PTPRT: variants seen among roughly 807,000 people sequenced by gnomAD.
PTPRT encodes the protein protein tyrosine phosphatase receptor type T.
A neutral mutation model predicts 176.8 loss-of-function variants in PTPRT; 56 were observed. The ratio of observed to expected loss-of-function variants is 0.32; its 90% confidence interval spans 0.26 to 0.40. The LOEUF (loss-of-function observed/expected upper bound fraction) is 0.40. Ranked by LOEUF, PTPRT falls within the 10% of genes least tolerant of loss-of-function variation. PTPRT has a pLI of 1.00. For synonymous variants in PTPRT, 783 were observed against 739.0 expected (o/e 1.06, Z -0.96); for missense variants, 1,540 against 1,908.2 (o/e 0.81, Z 3.60).
intron 7 of PTPRT, among the ~76,000 whole-genome samples, chr20:42,561,610 C>T: frequency 6.6e-6 from 1 of 152,144 alleles, no homozygotes. Flanking sequence ...TTGGTTCTTG[C>T]CAGGTCTGGT....
intron 13 of PTPRT, among the ~76,000 whole-genome samples, chr20:42,267,312 C>G (rs2056855890): frequency 6.6e-6 from 1 of 152,126 alleles, no homozygotes; most frequent in African/African-American, 2.4e-5. Context: ...CTATGATGTT[C>G]CGTAGGTTAA....
chr20:42,768,312 C>CCT (rs891560114), intron 5 of PTPRT, among the ~76,000 whole-genome samples: 3 of 151,800 alleles, frequency 2.0e-5, no homozygotes, highest in Non-Finnish European at 4.4e-5. Context: ...CCACTTCACC[C>CCT]CTCTCTCCCC....
chr20:42,132,867 A>G (rs1009003283), intron 18 of PTPRT, among the ~76,000 whole-genome samples: 6 of 152,254 alleles, frequency 3.9e-5, no homozygotes, highest in African/African-American at 1.4e-4. Context: ...AAACCTGCAC[A>G]TGGATGTTTA....
intron 7 of PTPRT, among the ~76,000 whole-genome samples, chr20:42,491,758 C>A (rs2071564750): frequency 6.6e-6 from 1 of 152,156 alleles, no homozygotes; most frequent in South Asian, 2.1e-4. Context: ...ATTTCTAAAT[C>A]ACCTATTCTA....
chr20:42,805,496 G>A (rs2077592600), intron 2 of PTPRT, among the ~76,000 whole-genome samples: 1 of 152,182 alleles, frequency 6.6e-6, no homozygotes, highest in East Asian at 1.9e-4. Context: ...CTCCACACCA[G>A]GCACTGTTGT....
intron 1 of PTPRT, among the ~76,000 whole-genome samples, chr20:42,999,529 G>A (rs1179541632): frequency 6.6e-6 from 1 of 152,086 alleles, no homozygotes; most frequent in African/African-American, 2.4e-5. Context: ...GCCAAGGCAC[G>A]TGGGCCACTG....
At chr20:42,580,983 G>A (rs567401993) in intron 7 of PTPRT, among the ~76,000 whole-genome samples, 7 of 152,082 alleles carry the variant, frequency 4.6e-5, no homozygotes, top group African/African-American at 1.7e-4. Context: ...GTCTTGTGCC[G>A]AGTCTTGCAA....
Position 42,886,153 on chromosome 20 carries a change from A to G in PTPRT, c.89-221T>C, listed in dbSNP as rs115778906. Among the ~76,000 whole-genome samples the G allele has an allele frequency of 8.0e-3, 1,216 of 152,276 alleles. 15 individuals carry two copies. Among genetic ancestry groups the G allele is most frequent in the African/African-American group, 0.028 (1,159 of 41,538 alleles). On this transcript the variant is annotated intron_variant, in intron 1 of 30. Transcript: ENST00000373187. ...GCATCTGCAGGCCTCCGTATTTAAA[A>G]AAGTTAATAAGGCTAGTTACATTGA...
intron 7 of PTPRT, among the ~76,000 whole-genome samples, chr20:42,641,907 T>C (rs879831628): frequency 9.9e-5 from 15 of 152,156 alleles, no homozygotes; most frequent in Non-Finnish European, 2.2e-4. Flanking sequence ...TCATACTGAC[T>C]TCTAAGCGTC....
At chr20:43,144,028 C>A (rs971445025) in intron 1 of PTPRT, among the ~76,000 whole-genome samples, 2 of 152,222 alleles carry the variant, frequency 1.3e-5, no homozygotes, top group African/African-American at 4.8e-5. Flanking sequence ...TCCACAGCTA[C>A]ATAGAGCAAG....
At chr20:42,277,735 C>T (rs2057065831) in intron 13 of PTPRT, among the ~76,000 whole-genome samples, 1 of 151,978 alleles carries the variant, frequency 6.6e-6, no homozygotes, top group African/African-American at 2.4e-5. Flanking sequence ...GGCTGGCTGG[C>T]CTTCTTGTTA....
At chr20:42,880,110 G>GC (rs533800365) in intron 2 of PTPRT, among the ~76,000 whole-genome samples, 1 of 152,138 alleles carries the variant, frequency 6.6e-6, no homozygotes, top group Non-Finnish European at 1.5e-5. Context: ...GGAGGGGCAG[G>GC]CCCGGGGGGG....
chr20:43,105,310 C>T (rs2012557631), intron 1 of PTPRT, among the ~76,000 whole-genome samples: 1 of 152,110 alleles, frequency 6.6e-6, no homozygotes, highest in Non-Finnish European at 1.5e-5. Flanking sequence ...CCACTGCTTC[C>T]AGCTTCATCT....
chr20:42,188,557 A>G (rs888254324), intron 16 of PTPRT, among the ~76,000 whole-genome samples: 2 of 152,168 alleles, frequency 1.3e-5, no homozygotes, highest in African/African-American at 2.4e-5. Context: ...AATTACTCAC[A>G]AAATGTTAGC....
chr20:42,769,274 A>AC, intron 5 of PTPRT, among the ~76,000 whole-genome samples: 1 of 152,294 alleles, frequency 6.6e-6, no homozygotes, highest in East Asian at 1.9e-4. Context: ...GATTTTTCTA[A>AC]CCACAGGAAA....
At chr20:42,806,765 A>G (rs2077615756) in intron 2 of PTPRT, among the ~76,000 whole-genome samples, 2 of 152,192 alleles carry the variant, frequency 1.3e-5, no homozygotes, top group African/African-American at 4.8e-5. Flanking sequence ...GTCCATGCAT[A>G]GGCTGTAGTT....
chr20:43,168,508 T>C (rs913617660), intron 1 of PTPRT, among the ~76,000 whole-genome samples: 1 of 152,202 alleles, frequency 6.6e-6, no homozygotes, highest in East Asian at 1.9e-4. Context: ...AAAGCCCCTA[T>C]TGCATAGGAA....
the PTPRT span, among the ~76,000 whole-genome samples, chr20:42,065,624 G>T: frequency 1.3e-5 from 2 of 152,256 alleles, no homozygotes; most frequent in South Asian, 4.1e-4. Context: ...GATGACTCAA[G>T]GAAAGAAAAT....
chr20:42,499,570 G>A lies in PTPRT; in HGVS notation c.1154-27008C>T, dbSNP rs181643262. Among the ~76,000 whole-genome samples, 8 of 152,108 alleles carry A rather than the reference G, an allele frequency of 5.3e-5. No individual in the cohort carries two copies. The East Asian group carries it at 7.7e-4, about 15-fold the overall frequency. On this transcript the variant is annotated intron_variant, in intron 7 of 30. Transcript: ENST00000373187. ...CTCCCAAAATGCTGGGATTACAGGCGTGAGCCACCATGCCTGGCCAATTTT... is the reference window on the plus strand; with the variant it reads ...CTCCCAAAATGCTGGGATTACAGGCATGAGCCACCATGCCTGGCCAATTTT...
Sources: gnomAD v4.1 joint callset for allele counts (sites outside exome capture counted in the v4.1 genomes callset) on GRCh38, gnomAD v4.1.1 for gene constraint, MANE v1.5 for transcripts, NCBI Gene and HGNC (gene_info 2026-07-23, HGNC 2026-07-21) for gene names.